The following SH2B1 variants were observed in gnomAD, a reference collection of about 807,000 sequenced individuals.
The protein encoded by SH2B1 is SH2B adapter protein 1.
Under a neutral mutation model 62.6 loss-of-function variants are expected in SH2B1, and 15 were observed. The observed-to-expected ratio is 0.24, with a 90% CI of 0.16 to 0.37. The LOEUF (loss-of-function observed/expected upper bound fraction) is 0.37, where lower values mean the gene tolerates loss of function less well. Among genes scored for constraint, SH2B1 ranks in the 10% least tolerant of loss-of-function variants. The pLI is 1.00. For synonymous variants in SH2B1, 443 were observed against 438.0 expected (o/e 1.01, Z -0.14); for missense variants, 925 against 1,015.6 (o/e 0.91, Z 1.21).
rs1963078531 is a variant in SH2B1 at position 28,872,148 on chromosome 16, T to C, written c.1514-42T>C. The stretch of plus-strand genomic sequence containing the variant: ...TTTTTTCTCCCAGGATGGGGGAGGC[T>C]GCCCTGACACCCCGGTTTCCCTCCC... On this transcript the variant is annotated intron_variant, in intron 5 of 7. Coordinates refer to ENST00000684370, the MANE Select transcript of SH2B1 (RefSeq NM_001387430.1). The surrounding 1 kb of genome is among the most constrained non-coding windows in gnomAD (Gnocchi z 5.3). The C allele has an allele frequency of 6.3e-7, 1 of 1,577,968 alleles. No individual in the cohort carries two copies. The highest frequency in any genetic ancestry group is 1.1e-5 in the South Asian group (1 of 89,606).
At chr16:28,869,151 C>T in intron 3 of SH2B1, 54 bp downstream of exon 3, 2 of 1,613,396 alleles carry the variant, frequency 1.2e-6, no homozygotes, top group East Asian at 2.2e-5. Context: ...TGGGGAGCAG[C>T]CTTGCGCCTC....
At position 28,853,088 on chromosome 16, in the gene SH2B1, T is replaced by TTATA. The variant is rs1413907228; in HGVS notation, c.-301+6262_-301+6265dup. 6.4e-4 allele frequency among the ~76,000 whole-genome samples: 73 copies of TTATA among 114,880 alleles called. 2 individuals carry two copies. Among genetic ancestry groups the TTATA allele is most frequent in the African/African-American group, 2.6e-3 (70 of 27,390 alleles). The allele number at this position is 114,880 out of a possible 152,430, so 75.4% of individuals were successfully genotyped here. A position where few individuals can be genotyped will look rare whatever the true frequency, so the allele number is the denominator to read the frequency against. On this transcript the variant is annotated intron_variant, in intron 1 of 10. Transcript: ENST00000322610. ...TATGTACATATATATTTATATATAT[T>TTATA]TATACATATATATTTATATATACAT...
Position 28,869,055 on chromosome 16 carries a change from T to C in SH2B1, c.1091T>C (p.Val364Ala). The C allele has an allele frequency of 6.2e-7, 1 of 1,614,112 alleles. No homozygotes were observed. Among genetic ancestry groups the C allele is most frequent in the Non-Finnish European group, 8.5e-7 (1 of 1,179,998 alleles). ...ATGGAGACAGTGGATGCCCAGCATGTGAAGGCCTGGGTGTCTGACATCCAA... is the reference window on the plus strand; with the variant it reads ...ATGGAGACAGTGGATGCCCAGCATGCGAAGGCCTGGGTGTCTGACATCCAA... Reference protein sequence around the residue: ...YIMETVDAQHVKAWVSDIQEC... With the variant: ...YIMETVDAQHAKAWVSDIQEC... The change falls in exon 3 of 8, where the codon GTG (valine) becomes GCG (alanine). Residue 364 changes from valine (V) to alanine (A), a missense_variant. By Grantham distance (64) the Val-to-Ala change is moderately conservative. This residue lies in a region of SH2B1 where 683 missense variants were observed against 704.0 expected (regional missense o/e 0.97). Coordinates refer to ENST00000684370, the MANE Select transcript of SH2B1 (RefSeq NM_001387430.1).
At chr16:28,871,284 C>T (rs1294231433) in intron 4 of SH2B1, among the ~76,000 whole-genome samples, 3 of 152,136 alleles carry the variant, frequency 2.0e-5, no homozygotes, top group Admixed American at 6.6e-5. Flanking sequence ...TCCCAAAGTG[C>T]GGGTATTACA....
intron 1 of SH2B1, among the ~76,000 whole-genome samples, chr16:28,853,054 G>A (rs1228117391): frequency 3.4e-5 from 3 of 87,030 alleles, no homozygotes; most frequent in South Asian, 3.0e-4. Context: ...ATTTATATAT[G>A]TACATATATA....
upstream of SH2B1, chr16:28,863,714 T>G: frequency 1.3e-6 from 2 of 1,535,762 alleles, no homozygotes; most frequent in Non-Finnish European, 1.7e-6. Flanking sequence ...CACACCGTCT[T>G]CGGTCTCCTG....
chr16:28,867,426 G>A lies in SH2B1; in HGVS notation c.1035G>A (p.Val345=). ...LEMPDRENTF[V]VKVEGPSEYI... ...TGCCTGACCGGGAGAACACGTTTGT[G>A]GTTAAGGTAGGAATTCAACTTCCCA... The change falls in exon 2 of 8, where the codon GTG becomes GTA. Residue 345 remains valine (V), a synonymous_variant. Coordinates refer to ENST00000684370, the MANE Select transcript of SH2B1 (RefSeq NM_001387430.1). The A allele has an allele frequency of 6.2e-7, 1 of 1,612,550 alleles. No individual in the cohort carries two copies. The highest frequency in any genetic ancestry group is 8.5e-7 in the Non-Finnish European group (1 of 1,178,556).
chr16:28,856,978 G>A (rs1727460907), intron 1 of SH2B1, among the ~76,000 whole-genome samples: 1 of 152,020 alleles, frequency 6.6e-6, no homozygotes, highest in African/African-American at 2.4e-5. Flanking sequence ...TCATACAAAA[G>A]CTACTAAGTA....
At chr16:28,857,859 A>G (rs931694422) in intron 1 of SH2B1, among the ~76,000 whole-genome samples, 1 of 150,376 alleles carries the variant, frequency 6.6e-6, no homozygotes, top group African/African-American at 2.5e-5. Flanking sequence ...CCTGCCTCAG[A>G]CTCCCGAGTA....
chr16:28,852,891 CATATATTTTTATATATACATGTACAT>C (rs1962203211), intron 1 of SH2B1, among the ~76,000 whole-genome samples: 1 of 61,480 alleles, frequency 1.6e-5, no homozygotes, highest in African/African-American at 6.3e-5. Flanking sequence ...TATATATTTA[CATATATTTTTATATATACATGTACAT>C]ATATATATTT....
intron 1 of SH2B1, among the ~76,000 whole-genome samples, chr16:28,850,769 G>C (rs1258146095): frequency 6.9e-6 from 1 of 145,062 alleles, no homozygotes; most frequent in African/African-American, 2.6e-5. Context: ...TGAAACAGGA[G>C]AATCGCTTGA....
Position 28,871,966 on chromosome 16 carries a change from C to T in SH2B1, c.1496C>T (p.Thr499Ile). ...PLSAPYPPLD[T>I]PETATGSFLF... ...TCAGCCCCCTACCCTCCCTTGGACA[C>T]TCCGGAAACAGCCACAGGTACCGGA... is the stretch of plus-strand genomic sequence containing the variant. The change falls in exon 5 of 8, where the codon ACT becomes ATT. Residue 499 changes from threonine (T) to isoleucine (I), a missense_variant. Thr to Ile is a moderately conservative substitution (Grantham distance 89). Around this residue, in one of 3 missense-constraint regions of SH2B1, gnomAD observed 683 missense variants for 704.0 expected, o/e 0.97. Coordinates refer to ENST00000684370, the MANE Select transcript of SH2B1 (RefSeq NM_001387430.1). The T allele has an allele frequency of 1.2e-6, 2 of 1,606,648 alleles. No homozygotes were observed. Among genetic ancestry groups the T allele is most frequent in the Middle Eastern group, 1.7e-4 (1 of 5,914 alleles).
Position 28,871,802 on chromosome 16 carries a change from C to T in SH2B1, c.1332C>T (p.Asp444=). ...CAGGGGCATATGGGGGCCTCTCAGA[C>T]CGCCCCTCGGCATCCATCTCCCCCA... The part of the protein sequence containing the change: ...LSQGAYGGLS[D]RPSASISPSS... Residue 444 remains aspartate, a synonymous_variant, in exon 5 of 8, where the codon GAC becomes GAT. Coordinates refer to ENST00000684370, the MANE Select transcript of SH2B1 (RefSeq NM_001387430.1). 1.9e-6 allele frequency: 3 copies of T among 1,614,030 alleles called. No individual in the cohort carries two copies. The highest frequency in any genetic ancestry group is 1.7e-6 in the Non-Finnish European group (2 of 1,179,920).
upstream of SH2B1, chr16:28,863,573 A>G (rs986232592): frequency 5.0e-5 from 55 of 1,096,170 alleles, no homozygotes; most frequent in Non-Finnish European, 6.5e-5. Context: ...CCGGTTCTCT[A>G]TGGTCGACAT....
Position 28,863,888 on chromosome 16 carries a change from G to T in SH2B1, c.-2207G>T. On this transcript the variant is annotated 5_prime_UTR_variant, in exon 1 of 8. Coordinates refer to ENST00000684370, the MANE Select transcript of SH2B1 (RefSeq NM_001387430.1). ...CGCGTAGTGGGTGGGGGCGCAGGGA[G>T]CGGGAGCCGCCGCCGCCGCCGCCGC... 1 of 1,491,370 alleles carries T rather than the reference G, an allele frequency of 6.7e-7. No homozygotes were observed. Among genetic ancestry groups the T allele is most frequent in the Non-Finnish European group, 8.9e-7 (1 of 1,126,590 alleles). The allele number at this position is 1,491,370 out of a possible 1,614,324, so 92.4% of individuals were successfully genotyped here. A position where few individuals can be genotyped will look rare whatever the true frequency, so the allele number is the denominator to read the frequency against.
intron 1 of SH2B1, among the ~76,000 whole-genome samples, chr16:28,854,315 T>C (rs1296629723): frequency 6.6e-6 from 1 of 151,844 alleles, no homozygotes; most frequent in Non-Finnish European, 1.5e-5. Flanking sequence ...AAAATAATAA[T>C]ATAAATAAAA....
Position 28,864,000 on chromosome 16 carries a change from C to G in SH2B1, c.-2095C>G, listed in dbSNP as rs1221873406. 4.4e-6 allele frequency: 6 copies of G among 1,363,952 alleles called. No individual in the cohort carries two copies. In the Admixed American group the frequency reaches 1.9e-4, roughly 43 times the overall value. 84.5% of individuals were successfully genotyped at this position (1,363,952 alleles called of 1,614,324 possible). A position where few individuals can be genotyped will look rare whatever the true frequency, so the allele number is the denominator to read the frequency against. On this transcript the variant is annotated 5_prime_UTR_variant, in exon 1 of 8. Coordinates refer to ENST00000684370, the MANE Select transcript of SH2B1 (RefSeq NM_001387430.1). ...AAGTACCTTTTCCCTCTCCGCGACC[C>G]GGCCCTGGCGCCCGAGAGGATTCCT...
chr16:28,860,475 T>C (rs891605325), upstream of SH2B1, among the ~76,000 whole-genome samples: 10 of 152,036 alleles, frequency 6.6e-5, no homozygotes, highest in Non-Finnish European at 1.0e-4. Context: ...ACTCCTGACC[T>C]CAGGTGATCC....
chr16:28,852,576 A>ATT (rs1962164765), intron 1 of SH2B1, among the ~76,000 whole-genome samples: 3 of 61,490 alleles, frequency 4.9e-5, no homozygotes, highest in African/African-American at 2.3e-4. Flanking sequence ...ATACACATAT[A>ATT]TATTTATATA....
Sources: allele counts gnomAD v4.1 joint callset (sites outside exome capture counted in the v4.1 genomes callset), GRCh38; gene constraint gnomAD v4.1.1; regional missense constraint gnomAD v4.1.1; non-coding constraint Gnocchi (gnomAD v3.1); transcripts MANE v1.5; gene names NCBI Gene and HGNC (gene_info 2026-07-23, HGNC 2026-07-21).